LOXHD1: variants seen among roughly 807,000 people sequenced by gnomAD.
LOXHD1 encodes the protein lipoxygenase homology PLAT domains 1.
LOXHD1 carries 205 observed loss-of-function variants against 248.2 expected under a neutral mutation model. The observed-to-expected ratio is 0.83, with a 90% CI of 0.74 to 0.93. The LOEUF (loss-of-function observed/expected upper bound fraction) is 0.93. LOXHD1 is among the 40% of genes least tolerant of loss of function. The pLI is 0.00. For synonymous variants in LOXHD1, 1,113 were observed against 1,162.8 expected (o/e 0.96, Z 0.87); for missense variants, 2,930 against 2,971.6 (o/e 0.99, Z 0.33).
intron 5 of LOXHD1, among the ~76,000 whole-genome samples, chr18:46,617,217 G>C (rs1176236709): frequency 6.6e-6 from 1 of 152,144 alleles, no homozygotes. Flanking sequence ...CAATTTCTCA[G>C]TATTTTTTTT....
At chr18:46,607,747 T>C (rs954356821) in intron 6 of LOXHD1, among the ~76,000 whole-genome samples, 1 of 151,974 alleles carries the variant, frequency 6.6e-6, no homozygotes, top group Non-Finnish European at 1.5e-5. Context: ...GGTGGGAATT[T>C]GACAAGTTCT....
intron 12 of LOXHD1, among the ~76,000 whole-genome samples, chr18:46,589,481 C>T (rs925262184): frequency 6.6e-6 from 1 of 152,208 alleles, no homozygotes; most frequent in Non-Finnish European, 1.5e-5. Flanking sequence ...CACCAGGATG[C>T]AGGTGAGTGG....
chr18:46,560,606 A>AC, intron 18 of LOXHD1, 61 bp from the exon 19 acceptor site: 1 of 1,400,314 alleles, frequency 7.1e-7, no homozygotes, highest in South Asian at 1.4e-5. Flanking sequence ...CGCCCCCAAC[A>AC]CCCCCGCCCA....
intron 2 of LOXHD1, among the ~76,000 whole-genome samples, chr18:46,647,856 G>A (rs1263946804): frequency 6.6e-6 from 1 of 152,164 alleles, no homozygotes; most frequent in African/African-American, 2.4e-5. Flanking sequence ...ACAATCTGGA[G>A]CCCCAGGATG....
At chr18:46,567,989 G>A (rs1180515260) in intron 16 of LOXHD1, among the ~76,000 whole-genome samples, 1 of 152,080 alleles carries the variant, frequency 6.6e-6, no homozygotes, top group Non-Finnish European at 1.5e-5. Context: ...CTTTAGTAAA[G>A]GGAACAGCAT....
chr18:46,495,510 C>G lies in LOXHD1; in HGVS notation c.5879-6368G>C, dbSNP rs532003361. On this transcript the variant is annotated intron_variant, in intron 37 of 40. Transcript: ENST00000642948. ...GATGAAGAGTTATGAGGAAATTTTA[C>G]AGTGGAGTAATCAGGCTGGCAGTCC... is the stretch of plus-strand genomic sequence containing the variant. 6.6e-5 allele frequency among the ~76,000 whole-genome samples: 10 copies of G among 152,298 alleles called. No homozygotes were observed. The East Asian group carries it at 1.9e-3, about 29-fold the overall frequency.
chr18:46,655,616 T>C (rs2039170442), intron 1 of LOXHD1, among the ~76,000 whole-genome samples: 3 of 152,140 alleles, frequency 2.0e-5, no homozygotes, highest in Admixed American at 2.0e-4. Context: ...CTGGGCCCAC[T>C]TCCTCCTACT....
intron 4 of LOXHD1, among the ~76,000 whole-genome samples, chr18:46,624,589 G>A (rs933794924): frequency 3.9e-5 from 6 of 152,060 alleles, no homozygotes; most frequent in African/African-American, 1.4e-4. Context: ...GACACCCATT[G>A]CCTCTCAGCC....
At chr18:46,587,892 T>C (rs1165508539) in intron 12 of LOXHD1, among the ~76,000 whole-genome samples, 1 of 152,176 alleles carries the variant, frequency 6.6e-6, no homozygotes, top group Non-Finnish European at 1.5e-5. Flanking sequence ...ATCAGAACAA[T>C]CACTCCCAAA....
rs570969227 is a variant in LOXHD1 at position 46,524,370 on chromosome 18, G to A, written c.4876+96C>T. 196 of 1,451,378 alleles carry A rather than the reference G, an allele frequency of 1.4e-4. 1 individual carries two copies. In the African/African-American group the frequency reaches 1.8e-3, roughly 14 times the overall value. The allele number at this position is 1,451,378 out of a possible 1,614,324, so 89.9% of individuals were successfully genotyped here. A position where few individuals can be genotyped will look rare whatever the true frequency, so the allele number is the denominator to read the frequency against. On this transcript the variant is annotated intron_variant, in intron 31 of 40. Coordinates refer to ENST00000642948, the MANE Select transcript of LOXHD1 (RefSeq NM_001384474.1). ...ATGACTAAGTGTTAGATATGTCATC[G>A]GTGATGGTGGGGCTCAAGAATGGCT... is the stretch of plus-strand genomic sequence containing the variant.
At position 46,507,644 on chromosome 18, in the gene LOXHD1, C is replaced by T; in HGVS notation, c.5586G>A (p.Arg1862=). The T allele has an allele frequency of 6.4e-7, 1 of 1,551,724 alleles. No homozygotes were observed. The highest frequency in any genetic ancestry group is 8.7e-7 in the Non-Finnish European group (1 of 1,146,978). ...MFYYGDWLSQ[R]KGKKTLVCEM... ...CACACACCAGGGTCTTCTTGCCCTT[C>T]CGCTGGGACAGCCAGTCTCCATAGT... is the stretch of plus-strand genomic sequence containing the variant. Residue 1862 remains arginine, a synonymous_variant, in exon 36 of 41, where the codon CGG becomes CGA. Coordinates refer to ENST00000642948, the MANE Select transcript of LOXHD1 (RefSeq NM_001384474.1).
chr18:46,538,022 G>A (rs544616798), intron 26 of LOXHD1, 134 bp downstream of exon 26: 235 of 770,834 alleles, frequency 3.0e-4, no homozygotes, highest in Non-Finnish European at 4.5e-4. Context: ...AGGAAGGTAG[G>A]ATGAGCTGCT....
chr18:46,557,864 T>C (rs1436977238), intron 20 of LOXHD1: 2 of 1,188,658 alleles, frequency 1.7e-6, no homozygotes, highest in Non-Finnish European at 2.1e-6. Flanking sequence ...TGCAGGTGTG[T>C]GCATAATCTG....
At chr18:46,642,136 C>T (rs2038970854) in intron 2 of LOXHD1, 100 bp from the exon 3 acceptor site, 4 of 1,046,122 alleles carry the variant, frequency 3.8e-6, no homozygotes, top group Non-Finnish European at 5.8e-6. Flanking sequence ...CATCATCCCA[C>T]TCCTGGGGAG....
At chr18:46,521,059 C>A in intron 33 of LOXHD1, 38 bp downstream of exon 33, 2 of 1,543,196 alleles carry the variant, frequency 1.3e-6, no homozygotes, top group Non-Finnish European at 8.8e-7. Context: ...CCTGCACTGC[C>A]CTGGCCATGC....
intron 6 of LOXHD1, among the ~76,000 whole-genome samples, chr18:46,604,769 G>A (rs769389740): frequency 8.5e-5 from 13 of 152,158 alleles, no homozygotes; most frequent in Admixed American, 5.2e-4. Context: ...ACTCCCATGC[G>A]AGCTAAGTTA....
chr18:46,521,318 G>A lies in LOXHD1; in HGVS notation c.5086-36C>T, dbSNP rs535959618. 3 of 1,550,144 alleles carry A rather than the reference G, an allele frequency of 1.9e-6. No homozygotes were observed. The South Asian group carries it at 3.6e-5, about 18-fold the overall frequency. ...ACACACCTGATCTGTGACGATCTGGGCACAACTGGGAAGGAAGTGCTCCCT... is the reference window on the plus strand; with the variant it reads ...ACACACCTGATCTGTGACGATCTGGACACAACTGGGAAGGAAGTGCTCCCT... On this transcript the variant is annotated intron_variant, in intron 32 of 40. Coordinates refer to ENST00000642948, the MANE Select transcript of LOXHD1 (RefSeq NM_001384474.1).
At chr18:46,642,091 A>T (rs1370947328) in intron 2 of LOXHD1, 55 bp from the exon 3 acceptor site, 48 of 1,467,190 alleles carry the variant, frequency 3.3e-5, no homozygotes, top group Non-Finnish European at 4.5e-5. Flanking sequence ...CAGGCCTGGG[A>T]GGAGAGCCAA....
At chr18:46,528,085 T>C (rs2035903861) in intron 29 of LOXHD1, among the ~76,000 whole-genome samples, 1 of 151,976 alleles carries the variant, frequency 6.6e-6, no homozygotes, top group East Asian at 1.9e-4. Flanking sequence ...ACTAGTAGAG[T>C]GGTTCAATAT....
Sources: gnomAD v4.1 joint callset for allele counts (sites outside exome capture counted in the v4.1 genomes callset) on GRCh38, gnomAD v4.1.1 for gene constraint, MANE v1.5 for transcripts, NCBI Gene and HGNC (gene_info 2026-07-23, HGNC 2026-07-21) for gene names.